Variants in ZFAND3 observed in about 807,000 individuals in gnomAD.
ZFAND3 encodes the protein AN1-type zinc finger protein 3.
ZFAND3 carries 10 observed loss-of-function variants against 29.6 expected under a neutral mutation model. That is an observed-to-expected ratio of 0.34 (90% CI 0.21 to 0.57). ZFAND3 has a LOEUF of 0.57. ZFAND3 is among the 20% of genes least tolerant of loss of function. The pLI is 0.86. For synonymous variants in ZFAND3, 128 were observed against 112.6 expected, an observed-to-expected ratio of 1.14 and a Z score of -0.87; for missense variants, 230 against 304.5, an observed-to-expected ratio of 0.76 and a Z score of 1.82.
At chr6:37,852,402 A>G (rs952599268) in intron 1 of ZFAND3, among the ~76,000 whole-genome samples, 7 of 152,170 alleles carry the variant, frequency 4.6e-5, no homozygotes, top group African/African-American at 1.7e-4. Context: ...TTTTTTGTCT[A>G]TTCAAATCTA....
chr6:37,899,248 C>G (rs1354679824), intron 1 of ZFAND3, among the ~76,000 whole-genome samples: 1 of 152,120 alleles, frequency 6.6e-6, no homozygotes, highest in African/African-American at 2.4e-5. Context: ...GATGTTGGCA[C>G]CACTAATCTT....
chr6:37,947,983 G>GT (rs1441622948), intron 2 of ZFAND3, among the ~76,000 whole-genome samples: 118 of 151,956 alleles, frequency 7.8e-4, no homozygotes, highest in Non-Finnish European at 1.5e-4. Context: ...GAAACATTTT[G>GT]TATGACCCTC....
chr6:37,895,459 CTTTTTTT>C lies in ZFAND3; in HGVS notation c.72-34483_72-34477del, dbSNP rs11331881. On this transcript the variant is annotated intron_variant, in intron 1 of 5. Transcript: ENST00000287218. ...AAGTGATTCTCCTGCCTCAGAGGTTCTTTTTTTTTTTTTTTTTTTTTTTATCTTATAT... is the reference window on the plus strand; with the variant it reads ...AAGTGATTCTCCTGCCTCAGAGGTTCTTTTTTTTTTTTTTTTATCTTATAT... Among the ~76,000 whole-genome samples, 4 of 76,764 alleles carry C rather than the reference CTTTTTTT, an allele frequency of 5.2e-5. No individual in the cohort carries two copies. In the South Asian group the frequency reaches 1.7e-3, roughly 33 times the overall value. The allele number at this position is 76,764 out of a possible 152,430, so 50.4% of individuals were successfully genotyped here. A position where few individuals can be genotyped will look rare whatever the true frequency, so the allele number is the denominator to read the frequency against.
At chr6:37,830,872 G>A (rs1763847688) in intron 1 of ZFAND3, among the ~76,000 whole-genome samples, 1 of 152,128 alleles carries the variant, frequency 6.6e-6, no homozygotes, top group Admixed American at 6.6e-5. Flanking sequence ...ATACATATGG[G>A]GAAGTTACAT....
At chr6:38,136,722 C>T (rs1368549177) in intron 5 of ZFAND3, among the ~76,000 whole-genome samples, 4 of 152,190 alleles carry the variant, frequency 2.6e-5, no homozygotes, top group Admixed American at 1.3e-4. Context: ...CATCAGGACA[C>T]GTGCTGTGCA....
intron 5 of ZFAND3, among the ~76,000 whole-genome samples, chr6:38,136,778 A>C (rs1765849858): frequency 6.6e-6 from 1 of 152,116 alleles, no homozygotes; most frequent in African/African-American, 2.4e-5. Context: ...TCTTTCTTGG[A>C]CCATGGCAGC....
At chr6:38,058,115 AGT>A (rs925013542) in intron 2 of ZFAND3, among the ~76,000 whole-genome samples, 10 of 152,290 alleles carry the variant, frequency 6.6e-5, no homozygotes, top group Admixed American at 6.5e-4. Flanking sequence ...TGGGCTGGAG[AGT>A]GTGTGGGTGG....
intron 1 of ZFAND3, among the ~76,000 whole-genome samples, chr6:37,828,448 T>C (rs930215460): frequency 2.6e-5 from 4 of 152,192 alleles, no homozygotes; most frequent in African/African-American, 9.7e-5. Context: ...CAAAATCGTC[T>C]CCTGAAAAGA....
chr6:38,017,527 A>C (rs1308040564), intron 2 of ZFAND3, among the ~76,000 whole-genome samples: 1 of 152,200 alleles, frequency 6.6e-6, no homozygotes, highest in Non-Finnish European at 1.5e-5. Context: ...TTCTGAAGGC[A>C]CTTTAGCAGA....
intron 1 of ZFAND3, among the ~76,000 whole-genome samples, chr6:37,883,098 C>G (rs1410818722): frequency 6.6e-6 from 1 of 152,148 alleles, no homozygotes; most frequent in African/African-American, 2.4e-5. Flanking sequence ...AGTTGTGCAC[C>G]TGTAGTCCTA....
At chr6:38,076,977 G>A (rs116272538) in intron 3 of ZFAND3, among the ~76,000 whole-genome samples, 3,370 of 152,244 alleles carry the variant, frequency 0.022, 82 homozygotes, top group African/African-American at 0.062. Context: ...GGTAAAAGAA[G>A]GAATATTTAA....
At chr6:37,972,899 T>C (rs978926678) in intron 2 of ZFAND3, among the ~76,000 whole-genome samples, 1 of 152,150 alleles carries the variant, frequency 6.6e-6, no homozygotes, top group Non-Finnish European at 1.5e-5. Context: ...AAGATTCCAC[T>C]TAACTGAAAG....
At chr6:38,024,682 A>T (rs565969701) in intron 2 of ZFAND3, among the ~76,000 whole-genome samples, 1 of 152,326 alleles carries the variant, frequency 6.6e-6, no homozygotes, top group African/African-American at 2.4e-5. Context: ...AAAAACATTT[A>T]TGTCAAGTAA....
chr6:38,123,346 A>G (rs759327579), intron 5 of ZFAND3, among the ~76,000 whole-genome samples: 1 of 152,246 alleles, frequency 6.6e-6, no homozygotes, highest in Non-Finnish European at 1.5e-5. Flanking sequence ...AGCATCAGAA[A>G]TCAGCCCACG....
intron 1 of ZFAND3, among the ~76,000 whole-genome samples, chr6:37,894,666 C>A (rs966557679): frequency 6.6e-6 from 1 of 152,144 alleles, no homozygotes; most frequent in African/African-American, 2.4e-5. Context: ...GCCACCACAC[C>A]CGGCTTTAAT....
At position 37,970,747 on chromosome 6, in the gene ZFAND3, T is replaced by C. The variant is rs559440784; in HGVS notation, c.112+40748T>C. On this transcript the variant is annotated intron_variant, in intron 2 of 5. Transcript: ENST00000287218. Reference sequence around the variant, plus strand: ...TGAAACCCCGTCTCTACTAAAAATATAAAAAAAATTAGCCGGCCGTGGTGG... The same window carrying C: ...TGAAACCCCGTCTCTACTAAAAATACAAAAAAAATTAGCCGGCCGTGGTGG... Among the ~76,000 whole-genome samples, 352 of 152,008 alleles carry C rather than the reference T, an allele frequency of 2.3e-3. 1 individual carries two copies. The highest frequency in any genetic ancestry group is 8.0e-3 in the African/African-American group (331 of 41,426).
chr6:37,895,103 C>T (rs1044951088), intron 1 of ZFAND3, among the ~76,000 whole-genome samples: 9 of 152,002 alleles, frequency 5.9e-5, no homozygotes, highest in African/African-American at 1.9e-4. Context: ...TTTTTTGCCT[C>T]CCTTCTACCT....
intron 2 of ZFAND3, among the ~76,000 whole-genome samples, chr6:38,016,372 A>G (rs1444137162): frequency 6.6e-6 from 1 of 152,214 alleles, no homozygotes; most frequent in African/African-American, 2.4e-5. Flanking sequence ...ATGGGACGAT[A>G]TGTTACAAAT....
At chr6:38,064,303 G>T (rs188779995) in intron 3 of ZFAND3, among the ~76,000 whole-genome samples, 1 of 152,262 alleles carries the variant, frequency 6.6e-6, no homozygotes, top group East Asian at 1.9e-4. Flanking sequence ...CATTTATTGA[G>T]CACTTTGTAT....
Sources: gnomAD v4.1 joint callset for allele counts (sites outside exome capture counted in the v4.1 genomes callset) on GRCh38, gnomAD v4.1.1 for gene constraint, MANE v1.5 for transcripts, NCBI Gene and HGNC (gene_info 2026-07-23, HGNC 2026-07-21) for gene names.